Variants in GCSAM observed in about 807,000 individuals in gnomAD.
The protein encoded by GCSAM is germinal center-associated signaling and motility protein.
A neutral mutation model predicts 17.6 loss-of-function variants in GCSAM; 8 were observed. The ratio of observed to expected loss-of-function variants is 0.46; its 90% CI spans 0.27 to 0.82. The LOEUF (loss-of-function observed/expected upper bound fraction) is 0.82, where lower values mean the gene tolerates loss of function less well. Ranked by LOEUF, GCSAM falls within the 40% of genes least tolerant of loss-of-function variation. The probability of loss-of-function intolerance (pLI) is 0.15; values close to 1 mark genes in which losing one functional copy is unlikely to be tolerated. For missense variants in GCSAM, 192 were observed against 213.5 expected (o/e 0.90, Z 0.63); for synonymous variants, 68 against 69.0 (o/e 0.98, Z 0.07).
chr3:112,128,071 C>G lies in GCSAM; in HGVS notation c.99-10G>C, dbSNP rs778188615. On this transcript the variant is annotated splice_polypyrimidine_tract_variant and intron_variant, in intron 2 of 5. Transcript: ENST00000308910. ...ATGGTGATCCCAGCATCTAAAATAC[C>G]CAAGAGAGATGGCAAATCATAAGGT... 3.7e-6 allele frequency: 6 copies of G among 1,612,542 alleles called. No individual in the cohort carries two copies. In the East Asian group the frequency reaches 1.1e-4, roughly 30 times the overall value.
rs1413684638 is a variant in GCSAM at position 112,120,903 on chromosome 3, A to G, written c.*2552T>C. On this transcript the variant is annotated 3_prime_UTR_variant, in exon 6 of 6. Transcript: ENST00000308910. ...ACATCCTACATATTAAGTATATTAC[A>G]CTCATATCAGAATTTTTTAACTCTT... 2 of 152,114 alleles carry G rather than the reference A, an allele frequency of 1.3e-5. No homozygotes were observed. Among genetic ancestry groups the G allele is most frequent in the Non-Finnish European group, 2.9e-5 (2 of 68,016 alleles). The allele number at this position is 152,114 out of a possible 1,614,324, so 9.4% of individuals were successfully genotyped here.
chr3:112,127,926 G>C, intron 3 of GCSAM, 91 bp downstream of exon 3: 2 of 1,054,558 alleles, frequency 1.9e-6, no homozygotes, highest in Non-Finnish European at 2.9e-6. Flanking sequence ...GGCTTCCACT[G>C]TGGCCACAGA....
chr3:112,127,182 GA>G, intron 3 of GCSAM, 149 bp from the exon 4 acceptor site: 1 of 540,914 alleles, frequency 1.8e-6, no homozygotes, highest in Non-Finnish European at 3.2e-6. Flanking sequence ...AAGTAAAAAA[GA>G]AAAAAGTAAA....
Position 112,127,043 on chromosome 3 carries a change from A to C in GCSAM, c.144-10T>G, listed in dbSNP as rs370966231. 40 of 1,556,446 alleles carry C rather than the reference A, an allele frequency of 2.6e-5. No individual in the cohort carries two copies. Among genetic ancestry groups the C allele is most frequent in the African/African-American group, 8.1e-5 (6 of 73,626 alleles). On this transcript the variant is annotated splice_polypyrimidine_tract_variant and intron_variant, in intron 3 of 5. Transcript: ENST00000308910. Reference sequence around the variant, plus strand: ...AATGAGTATTTTTTTCCTGTAAAAGAAAAGCAAAGCAAATTGTTTTAATAT... The same window carrying C: ...AATGAGTATTTTTTTCCTGTAAAAGCAAAGCAAAGCAAATTGTTTTAATAT...
At position 112,123,437 on chromosome 3, in the gene GCSAM, G is replaced by T; in HGVS notation, c.*18C>A. On this transcript the variant is annotated 3_prime_UTR_variant, in exon 6 of 6. Transcript: ENST00000308910. ...TTTTATTTGTTGGTGCTAAACAAAT[G>T]CTAGTCCAGCCACTTCACTATAAAT... 6.2e-7 allele frequency: 1 copy of T among 1,609,280 alleles called. No homozygotes were observed. Among genetic ancestry groups the T allele is most frequent in the Non-Finnish European group, 8.5e-7 (1 of 1,177,418 alleles).
Position 112,121,771 on chromosome 3 carries a change from C to A in GCSAM, c.*1684G>T. On this transcript the variant is annotated 3_prime_UTR_variant, in exon 6 of 6. Coordinates refer to ENST00000308910, the MANE Select transcript of GCSAM (RefSeq NM_152785.5). ...TCACCTGGCTGAAGGCTCCACAAAC[C>A]TGTGACACATGCAAGCTCAAGCCAT... 1 of 152,332 alleles carries A rather than the reference C, an allele frequency of 6.6e-6. No homozygotes were observed. The allele number at this position is 152,332 out of a possible 1,614,324, so 9.4% of individuals were successfully genotyped here.
intron 1 of GCSAM, among the ~76,000 whole-genome samples, chr3:112,131,527 A>G (rs1336953186): frequency 1.3e-5 from 2 of 152,136 alleles, no homozygotes; most frequent in African/African-American, 4.8e-5. Flanking sequence ...GGGTCTTGCT[A>G]TGTTGTTCAG....
rs1288246973 is a variant in GCSAM at position 112,123,679 on chromosome 3, C to G, written c.313G>C (p.Glu105Gln). Reference sequence around the variant, plus strand: ...TTGCAGGGAACATTCTCATAGTACTCTTCAGCAGAGTTCCCTGATGGCCTT... The same window carrying G: ...TTGCAGGGAACATTCTCATAGTACTGTTCAGCAGAGTTCCCTGATGGCCTT... ...CTRPSGNSAE[E>Q]YYENVPCKAE... Residue 105 changes from glutamate (E) to glutamine (Q), a missense_variant, in exon 6 of 6, where the codon GAG becomes CAG. By Grantham distance (29) the Glu-to-Gln change is conservative. Coordinates refer to ENST00000308910, the MANE Select transcript of GCSAM (RefSeq NM_152785.5). 6.2e-7 allele frequency: 1 copy of G among 1,614,190 alleles called. No homozygotes were observed. The highest frequency in any genetic ancestry group is 1.1e-5 in the South Asian group (1 of 91,086).
chr3:112,123,322 C>T lies in GCSAM; in HGVS notation c.*133G>A, dbSNP rs1205827030. On this transcript the variant is annotated 3_prime_UTR_variant, in exon 6 of 6. Coordinates refer to ENST00000308910, the MANE Select transcript of GCSAM (RefSeq NM_152785.5). The stretch of plus-strand genomic sequence containing the variant: ...GCTAAGAGGGCTTGTGGTATACAAA[C>T]CATGCTCTGCAGGGAAAGGGTTGTT... 6.8e-7 allele frequency: 1 copy of T among 1,476,888 alleles called. No individual in the cohort carries two copies. Among genetic ancestry groups the T allele is most frequent in the Non-Finnish European group, 9.0e-7 (1 of 1,117,254 alleles). The allele number at this position is 1,476,888 out of a possible 1,614,324, so 91.5% of individuals were successfully genotyped here.
chr3:112,127,698 A>G, intron 3 of GCSAM, among the ~76,000 whole-genome samples: 1 of 152,244 alleles, frequency 6.6e-6, no homozygotes, highest in East Asian at 1.9e-4. Flanking sequence ...TCTATGTGCA[A>G]GGGATAGAAA....
In GCSAM at chr3:112,123,662, A is replaced by G. The variant is rs781016291; in HGVS notation, c.330T>C (p.Val110=). ...CTCTGGGTCTCTCAGCTTTGCAGGG[A>G]ACATTCTCATAGTACTCTTCAGCAG... The part of the protein sequence containing the change: ...GNSAEEYYEN[V]PCKAERPRES... Residue 110 remains valine, a synonymous_variant, in exon 6 of 6, where the codon GTT becomes GTC. Transcript: ENST00000308910. The G allele has an allele frequency of 3.1e-6, 5 of 1,614,120 alleles. No homozygotes were observed. The highest frequency in any genetic ancestry group is 4.2e-6 in the Non-Finnish European group (5 of 1,180,002).
At chr3:112,125,375 G>T in intron 4 of GCSAM, 121 bp from the exon 5 acceptor site, 1 of 706,010 alleles carries the variant, frequency 1.4e-6, no homozygotes, top group Non-Finnish European at 2.5e-6. Context: ...GCTCTTCTCA[G>T]GCTATTCTGA....
chr3:112,123,832 C>T (rs2074250490), intron 5 of GCSAM, 60 bp from the exon 6 acceptor site: 1 of 1,537,560 alleles, frequency 6.5e-7, no homozygotes, highest in South Asian at 1.2e-5. Context: ...CTTTACATTT[C>T]AGTCTCAACA....
In GCSAM at chr3:112,123,597, T is replaced by G; in HGVS notation, c.395A>C (p.His132Pro). 6.2e-7 allele frequency: 1 copy of G among 1,614,098 alleles called. No homozygotes were observed. Among genetic ancestry groups the G allele is most frequent in the Non-Finnish European group, 8.5e-7 (1 of 1,179,954 alleles). The change falls in exon 6 of 6, where the codon CAT becomes CCT. Residue 132 changes from histidine (H) to proline (P), a missense_variant. His to Pro is a moderately conservative substitution (Grantham distance 77, BLOSUM62 -2). Coordinates refer to ENST00000308910, the MANE Select transcript of GCSAM (RefSeq NM_152785.5). ...GGTETEYSLL[H>P]MPSTDPRHAR... is the part of the protein sequence containing the mutation. ...ATGCCTGGGGTCTGTAGAAGGCATATGTAGAAGTGAATACTCAGTCTCAGT... is the reference window on the plus strand; with the variant it reads ...ATGCCTGGGGTCTGTAGAAGGCATAGGTAGAAGTGAATACTCAGTCTCAGT...
rs147855189 is a variant in GCSAM, at chr3:112,125,234, G to T, written c.211C>A (p.Pro71Thr). Reference protein sequence around the residue: ...QNENERMSSTPIQDNVDQTYS... With the variant: ...QNENERMSSTTIQDNVDQTYS... Reference sequence around the variant, plus strand: ...AGAGATGTTCTTATTACCTGGATGGGAGTAGATGACATTCTTTCATCTGGA... The same window carrying T: ...AGAGATGTTCTTATTACCTGGATGGTAGTAGATGACATTCTTTCATCTGGA... The change falls in exon 5 of 6, where the codon CCC becomes ACC. Residue 71 changes from proline to threonine, a missense_variant. Transcript: ENST00000308910. 8.9e-5 allele frequency: 140 copies of T among 1,576,320 alleles called. No individual in the cohort carries two copies. The highest frequency in any genetic ancestry group is 1.2e-4 in the Non-Finnish European group (136 of 1,145,854).
At chr3:112,129,518 G>A (rs530241946) in intron 2 of GCSAM, 7 of 152,246 alleles carry the variant, frequency 4.6e-5, no homozygotes, top group Non-Finnish European at 7.3e-5. Flanking sequence ...CTTAGGCTAC[G>A]TGTCAGGAAT....
intron 1 of GCSAM, among the ~76,000 whole-genome samples, chr3:112,132,236 G>T (rs1384088250): frequency 6.6e-6 from 1 of 152,088 alleles, no homozygotes; most frequent in Non-Finnish European, 1.5e-5. Flanking sequence ...CCTCTTTTCG[G>T]CAAGTGGTCA....
chr3:112,128,291 GC>G, intron 2 of GCSAM: 1 of 671,534 alleles, frequency 1.5e-6, no homozygotes, highest in Non-Finnish European at 2.7e-6. Flanking sequence ...TGTGTTCCCA[GC>G]AAAGGAAAAA....
At chr3:112,130,692 C>A (rs1559987713) in intron 1 of GCSAM, 179 bp from the exon 2 acceptor site, 2 of 620,862 alleles carry the variant, frequency 3.2e-6, no homozygotes, top group East Asian at 5.6e-5. Flanking sequence ...TACCTTTGAT[C>A]TGACATGCTC....
Sources: allele counts gnomAD v4.1 joint callset (sites outside exome capture counted in the v4.1 genomes callset), GRCh38; gene constraint gnomAD v4.1.1; transcripts MANE v1.5; gene names NCBI Gene and HGNC (gene_info 2026-07-23, HGNC 2026-07-21).